UNC13C: variants seen among roughly 807,000 people sequenced by gnomAD.
The protein encoded by UNC13C is protein unc-13 homolog C.
In UNC13C, 174 loss-of-function variants were observed where a neutral mutation model predicts 245.4. The observed-to-expected ratio is 0.71, with a 90% confidence interval of 0.63 to 0.80. The LOEUF (loss-of-function observed/expected upper bound fraction) is 0.80, where lower values mean the gene tolerates loss of function less well. UNC13C is among the 30% of genes least tolerant of loss of function. The pLI is 0.00. For synonymous variants in UNC13C, 992 were observed against 895.1 expected, an observed-to-expected ratio of 1.11 and a Z score of -1.93; for missense variants, 2,829 against 2,602.9, an observed-to-expected ratio of 1.09 and a Z score of -1.89.
intron 19 of UNC13C, among the ~76,000 whole-genome samples, chr15:54,447,834 C>G (rs1890912890): frequency 1.3e-5 from 2 of 152,102 alleles, no homozygotes; most frequent in South Asian, 2.1e-4. Flanking sequence ...TGTGTTTGCT[C>G]TTGCTTTTCT....
At chr15:54,613,320 G>T (rs1900225176) in intron 30 of UNC13C, among the ~76,000 whole-genome samples, 1 of 151,618 alleles carries the variant, frequency 6.6e-6, no homozygotes, top group Non-Finnish European at 1.5e-5. Flanking sequence ...CCCAATAGTT[G>T]ACATATTAAA....
intron 30 of UNC13C, among the ~76,000 whole-genome samples, chr15:54,569,489 T>A (rs1897658432): frequency 6.6e-6 from 1 of 152,158 alleles, no homozygotes; most frequent in Admixed American, 6.6e-5. Context: ...ATGCAATTTT[T>A]AAAAATATTT....
the UNC13C span, among the ~76,000 whole-genome samples, chr15:53,871,665 A>G: frequency 2.0e-5 from 3 of 152,210 alleles, no homozygotes; most frequent in Non-Finnish European, 4.4e-5. Flanking sequence ...GCAAATTTCC[A>G]GGAGACTCCC....
intron 30 of UNC13C, among the ~76,000 whole-genome samples, chr15:54,599,197 A>G (rs1899262312): frequency 6.6e-6 from 1 of 152,104 alleles, no homozygotes; most frequent in Non-Finnish European, 1.5e-5. Flanking sequence ...CCATCTTACC[A>G]ATGAAGAGAA....
At chr15:54,531,119 G>A (rs62022417) in intron 25 of UNC13C, among the ~76,000 whole-genome samples, 13,611 of 152,118 alleles carry the variant, frequency 0.089, 741 homozygotes, top group African/African-American at 0.14. Context: ...TGTTGAGTAT[G>A]AGAAACTCAT....
the UNC13C span, among the ~76,000 whole-genome samples, chr15:53,922,370 T>G: frequency 6.6e-6 from 1 of 152,228 alleles, no homozygotes; most frequent in African/African-American, 2.4e-5. Flanking sequence ...TATTCACTTA[T>G]AAACTGAGAG....
At chr15:54,158,900 G>A (rs7174427) in intron 4 of UNC13C, among the ~76,000 whole-genome samples, 43,640 of 151,906 alleles carry the variant, frequency 0.29, 6,508 homozygotes, top group African/African-American at 0.35. Context: ...TAATCCTCCC[G>A]CCTGGCCCCG....
At chr15:54,416,849 C>T (rs77527020) in intron 19 of UNC13C, 6,520 of 454,370 alleles carry the variant, frequency 0.014, 73 homozygotes, top group Non-Finnish European at 0.019. Context: ...TAAGCACTTA[C>T]GGGTTATCAT....
intron 4 of UNC13C, among the ~76,000 whole-genome samples, chr15:54,191,376 G>A (rs2034176336): frequency 6.6e-6 from 1 of 152,126 alleles, no homozygotes; most frequent in African/African-American, 2.4e-5. Flanking sequence ...TAAAGGACAT[G>A]AACTCATCCT....
chr15:54,390,502 A>G (rs866699006), intron 17 of UNC13C, among the ~76,000 whole-genome samples: 25 of 152,248 alleles, frequency 1.6e-4, no homozygotes, highest in Middle Eastern at 6.8e-3. Context: ...ATCTATTAAC[A>G]AAATAATTTT....
At chr15:54,380,121 C>T (rs1474017634) in intron 17 of UNC13C, among the ~76,000 whole-genome samples, 3 of 151,940 alleles carry the variant, frequency 2.0e-5, no homozygotes, top group East Asian at 3.9e-4. Flanking sequence ...TGACCAACAG[C>T]TCTCTAAGCC....
In UNC13C at chr15:54,627,994, A is replaced by T. The variant is rs563150666; in HGVS notation, c.*881A>T. On this transcript the variant is annotated 3_prime_UTR_variant, in exon 33 of 33. Coordinates refer to ENST00000260323, the MANE Select transcript of UNC13C (RefSeq NM_001080534.3). ...TAATCAGTTCAATGCTTTATTTTTAAAAATATTCAATGATTAGTATTGAAT... is the reference window on the plus strand; with the variant it reads ...TAATCAGTTCAATGCTTTATTTTTATAAATATTCAATGATTAGTATTGAAT... The T allele has an allele frequency of 2.6e-5, 4 of 152,522 alleles. No individual in the cohort carries two copies. Among genetic ancestry groups the T allele is most frequent in the Non-Finnish European group, 5.9e-5 (4 of 67,978 alleles). The allele number at this position is 152,522 out of a possible 1,614,324, so 9.4% of individuals were successfully genotyped here. A position where few individuals can be genotyped will look rare whatever the true frequency, so the allele number is the denominator to read the frequency against.
chr15:54,571,890 T>C (rs919170663), intron 30 of UNC13C, among the ~76,000 whole-genome samples: 1 of 152,232 alleles, frequency 6.6e-6, no homozygotes, highest in Non-Finnish European at 1.5e-5. Flanking sequence ...ATTCTACATA[T>C]ACAGCACTCC....
chr15:54,347,133 C>T (rs2038876821), intron 17 of UNC13C, among the ~76,000 whole-genome samples: 1 of 152,000 alleles, frequency 6.6e-6, no homozygotes, highest in South Asian at 2.1e-4. Flanking sequence ...CATAAAGAGA[C>T]CCCCTAATTG....
rs113364851 is a variant in UNC13C at position 54,452,130 on chromosome 15, G to T, written c.4933+37063G>T. On this transcript the variant is annotated intron_variant, in intron 19 of 32. Coordinates refer to ENST00000260323, the MANE Select transcript of UNC13C (RefSeq NM_001080534.3). ...TGCTTAGGATGGAGGCATCACCTGG[G>T]TGAGTCCTCAGACCCCAGTGTGAGC... Among the ~76,000 whole-genome samples, 768 of 152,334 alleles carry T rather than the reference G, an allele frequency of 5.0e-3. 6 individuals carry two copies. The highest frequency in any genetic ancestry group is 0.017 in the African/African-American group (718 of 41,564).
intron 30 of UNC13C, among the ~76,000 whole-genome samples, chr15:54,585,951 A>C (rs1898467211): frequency 6.6e-6 from 1 of 152,128 alleles, no homozygotes. Context: ...AGCAAAAATA[A>C]ATTTCTCATA....
the UNC13C span, among the ~76,000 whole-genome samples, chr15:53,862,350 A>T: frequency 6.6e-6 from 1 of 152,132 alleles, no homozygotes; most frequent in African/African-American, 2.4e-5. Context: ...GTGCTCGTGT[A>T]TATTTTAAGC....
chr15:54,419,753 G>A (rs1034606733), intron 19 of UNC13C, among the ~76,000 whole-genome samples: 1 of 152,070 alleles, frequency 6.6e-6, no homozygotes, highest in Non-Finnish European at 1.5e-5. Context: ...CTGGTCATCT[G>A]TGCTCCTGGA....
intron 1 of UNC13C, among the ~76,000 whole-genome samples, chr15:53,995,792 A>G (rs1182080898): frequency 1.3e-5 from 2 of 152,152 alleles, no homozygotes; most frequent in African/African-American, 2.4e-5. Context: ...TTTTATACAA[A>G]TACTTTTTAT....
Sources: gnomAD v4.1 joint callset for allele counts (sites outside exome capture counted in the v4.1 genomes callset) on GRCh38, gnomAD v4.1.1 for gene constraint, MANE v1.5 for transcripts, NCBI Gene and HGNC (gene_info 2026-07-23, HGNC 2026-07-21) for gene names.